The following ATG16L1 variants were observed in gnomAD, a reference collection of about 807,000 sequenced individuals.
ATG16L1 encodes the protein autophagy related 16 like 1.
ATG16L1 carries 37 observed loss-of-function variants against 88.5 expected under a neutral mutation model. The observed-to-expected ratio is 0.42, with a 90% confidence interval of 0.32 to 0.55. The LOEUF (loss-of-function observed/expected upper bound fraction) is 0.55. Among genes scored for constraint, ATG16L1 ranks in the 20% least tolerant of loss-of-function variants. ATG16L1 has a pLI of 0.13. For missense variants in ATG16L1, 554 were observed against 752.8 expected, an observed-to-expected ratio of 0.74 and a Z score of 3.09; for synonymous variants, 301 against 281.0, an observed-to-expected ratio of 1.07 and a Z score of -0.71.
intron 12 of ATG16L1, chr2:233,288,646 T>C (rs1219462415): frequency 9.4e-6 from 4 of 424,190 alleles, no homozygotes; most frequent in African/African-American, 4.1e-5. Context: ...GTTTTACACA[T>C]AGAAAAATGT....
At chr2:233,263,870 C>T (rs1376912943) in intron 3 of ATG16L1, 122 bp from the exon 4 acceptor site, 10 of 860,276 alleles carry the variant, frequency 1.2e-5, no homozygotes, top group South Asian at 8.1e-5. Context: ...ATAGGCGCCT[C>T]GGCTCCTTGC....
chr2:233,273,729 T>C lies in ATG16L1; in HGVS notation c.803T>C (p.Leu268Pro). Reference sequence around the variant, plus strand: ...CCTCCCCTCCTCTTTAGTAAGCGACTCTCGCAGCCTGCTGGAGGCCTTCTG... The same window carrying C: ...CCTCCCCTCCTCTTTAGTAAGCGACCCTCGCAGCCTGCTGGAGGCCTTCTG... ...RAISRAATKR[L>P]SQPAGGLLDS... The change falls in exon 8 of 18, where the codon CTC (leucine) becomes CCC (proline). Residue 268 changes from leucine (L) to proline (P), a missense_variant. Coordinates refer to ENST00000392017, the MANE Select transcript of ATG16L1 (RefSeq NM_030803.7). The C allele has an allele frequency of 6.2e-7, 1 of 1,614,198 alleles. No individual in the cohort carries two copies. The highest frequency in any genetic ancestry group is 8.5e-7 in the Non-Finnish European group (1 of 1,180,024).
At chr2:233,286,151 T>C (rs1021553561) in intron 12 of ATG16L1, among the ~76,000 whole-genome samples, 1 of 152,160 alleles carries the variant, frequency 6.6e-6, no homozygotes, top group Admixed American at 6.5e-5. Flanking sequence ...AGTTCTGCAT[T>C]CTTCTGGAAT....
intron 12 of ATG16L1, among the ~76,000 whole-genome samples, chr2:233,284,680 G>C (rs555139783): frequency 6.6e-6 from 1 of 152,192 alleles, no homozygotes; most frequent in African/African-American, 2.4e-5. Flanking sequence ...ATGTTGGCTA[G>C]GCTGGTCTCG....
chr2:233,263,081 C>T, intron 2 of ATG16L1, 49 bp from the exon 3 acceptor site: 1 of 1,512,832 alleles, frequency 6.6e-7, no homozygotes, highest in African/African-American at 1.4e-5. Flanking sequence ...TCATTTTTCC[C>T]CCTCCGTTTT....
At position 233,293,267 on chromosome 2, in the gene ATG16L1, G is replaced by A. The variant is rs758048364; in HGVS notation, c.1640G>A (p.Ser547Asn). 1.4e-5 allele frequency: 23 copies of A among 1,614,086 alleles called. No homozygotes were observed. In the East Asian group the frequency reaches 5.1e-4, roughly 36 times the overall value. ...WTRVVFSPDG[S>N]YVAAGSAEGS... ...ACTGTCTTCTGTAGCCCTGATGGCA[G>A]TTACGTGGCGGCAGGCTCTGCTGAG... is the stretch of plus-strand genomic sequence containing the variant. Residue 547 changes from serine to asparagine, a missense_variant, in exon 17 of 18, where the codon AGT becomes AAT. This residue lies in a region of ATG16L1 where 370 missense variants were observed against 509.7 expected (regional missense o/e 0.73). Transcript: ENST00000392017.
At chr2:233,270,615 G>A (rs1044590856) in intron 6 of ATG16L1, among the ~76,000 whole-genome samples, 4 of 152,162 alleles carry the variant, frequency 2.6e-5, no homozygotes, top group Non-Finnish European at 5.9e-5. Flanking sequence ...CATGTAATGC[G>A]GTGGGGTTTT....
intron 2 of ATG16L1, among the ~76,000 whole-genome samples, chr2:233,258,107 G>A (rs144945124): frequency 0.014 from 2,178 of 152,002 alleles, 46 homozygotes; most frequent in African/African-American, 0.05. Flanking sequence ...TGTTCATGGC[G>A]GGGTATTTGT....
At chr2:233,293,461 C>T (rs1699602615) in intron 17 of ATG16L1, 104 bp downstream of exon 17, 1 of 1,058,596 alleles carries the variant, frequency 9.4e-7, no homozygotes. Context: ...TGTGAGGGCA[C>T]TGTCCGCCCA....
At chr2:233,260,478 C>T (rs917939793) in intron 2 of ATG16L1, among the ~76,000 whole-genome samples, 1 of 152,196 alleles carries the variant, frequency 6.6e-6, no homozygotes, top group Admixed American at 6.5e-5. Flanking sequence ...CAGCAACATT[C>T]CCATCACCAG....
At chr2:233,292,987 ATGT>A (rs753649294) in intron 16 of ATG16L1, among the ~76,000 whole-genome samples, 15 of 152,114 alleles carry the variant, frequency 9.9e-5, no homozygotes, top group South Asian at 6.2e-4. Context: ...ATCTCCCTAT[ATGT>A]TGTTTTGTTG....
At chr2:233,292,603 C>T (rs1699535564) in intron 16 of ATG16L1, among the ~76,000 whole-genome samples, 169 bp downstream of exon 16, 1 of 152,236 alleles carries the variant, frequency 6.6e-6, no homozygotes, top group East Asian at 1.9e-4. Flanking sequence ...TCTTCCTTTC[C>T]AGTGTTCCTT....
intron 12 of ATG16L1, 69 bp downstream of exon 12, chr2:233,282,822 C>A: frequency 7.0e-7 from 1 of 1,420,666 alleles, no homozygotes; most frequent in Non-Finnish European, 9.9e-7. Flanking sequence ...CACAAACTGG[C>A]AGGTGCTTAA....
At chr2:233,291,692 A>T (rs1328768276) in intron 14 of ATG16L1, among the ~76,000 whole-genome samples, 1 of 152,192 alleles carries the variant, frequency 6.6e-6, no homozygotes, top group Non-Finnish European at 1.5e-5. Flanking sequence ...AGGGCCACAG[A>T]GCCACAGTGA....
chr2:233,282,815 A>G (rs1359895902), intron 12 of ATG16L1, 62 bp downstream of exon 12: 1 of 1,481,988 alleles, frequency 6.7e-7, no homozygotes, highest in Non-Finnish European at 9.4e-7. Flanking sequence ...ATCAAGGCAC[A>G]AACTGGCAGG....
At chr2:233,266,884 AG>A (rs1339617041) in intron 5 of ATG16L1, among the ~76,000 whole-genome samples, 1 of 152,246 alleles carries the variant, frequency 6.6e-6, no homozygotes, top group African/African-American at 2.4e-5. Flanking sequence ...AGGCACAGGA[AG>A]GCAGATACTG....
At chr2:233,256,687 C>CTTTTTCTTTTTTTTT (rs1374859991) in intron 2 of ATG16L1, among the ~76,000 whole-genome samples, 1 of 148,144 alleles carries the variant, frequency 6.8e-6, no homozygotes, top group African/African-American at 2.5e-5. Flanking sequence ...TATAATTTTT[C>CTTTTTCTTTTTTTTT]TTTTTCTTTT....
intron 4 of ATG16L1, 144 bp downstream of exon 4, chr2:233,264,209 G>A (rs1697410585): frequency 2.8e-6 from 2 of 704,902 alleles, no homozygotes; most frequent in African/African-American, 1.8e-5. Context: ...TACACACTCT[G>A]GGATCCTTTT....
intron 1 of ATG16L1, among the ~76,000 whole-genome samples, chr2:233,254,388 T>C (rs759437716): frequency 2.0e-5 from 3 of 152,198 alleles, no homozygotes; most frequent in Non-Finnish European, 2.9e-5. Flanking sequence ...ATTTCTATTA[T>C]AGTTTGTGAA....
Sources: allele counts gnomAD v4.1 joint callset (sites outside exome capture counted in the v4.1 genomes callset), GRCh38; gene constraint gnomAD v4.1.1; regional missense constraint gnomAD v4.1.1; transcripts MANE v1.5; gene names NCBI Gene and HGNC (gene_info 2026-07-23, HGNC 2026-07-21).